CHST9: variants seen among roughly 807,000 people sequenced by gnomAD.
CHST9 encodes carbohydrate sulfotransferase 9.
Under a neutral mutation model 44.4 loss-of-function variants are expected in CHST9, and 41 were observed. That is an observed-to-expected ratio of 0.92 (90% CI 0.72 to 1.20). The LOEUF (loss-of-function observed/expected upper bound fraction) is 1.20. Ranked by LOEUF, CHST9 falls within the 50% of genes most tolerant of loss-of-function variation. CHST9 has a pLI of 0.00. For synonymous variants in CHST9, 171 were observed against 178.4 expected, an observed-to-expected ratio of 0.96 and a Z score of 0.33; for missense variants, 504 against 516.5, an observed-to-expected ratio of 0.98 and a Z score of 0.23.
intron 5 of CHST9, among the ~76,000 whole-genome samples, chr18:26,921,531 C>T (rs1489371839): frequency 1.3e-5 from 2 of 152,230 alleles, no homozygotes; most frequent in Non-Finnish European, 2.9e-5. Flanking sequence ...AGCTGTTATT[C>T]GGGTTTGATG....
intron 4 of CHST9, among the ~76,000 whole-genome samples, chr18:26,983,537 C>T (rs1396263426): frequency 6.6e-6 from 1 of 152,160 alleles, no homozygotes; most frequent in Non-Finnish European, 1.5e-5. Context: ...TCCCCAGAAG[C>T]CGAGCAGATG....
At chr18:26,932,308 T>C (rs978021809) in intron 5 of CHST9, among the ~76,000 whole-genome samples, 1 of 152,252 alleles carries the variant, frequency 6.6e-6, no homozygotes. Context: ...TCAGCTTTTA[T>C]GTCAGCCTTG....
At chr18:26,946,784 C>A (rs1204745080) in intron 4 of CHST9, among the ~76,000 whole-genome samples, 1 of 150,616 alleles carries the variant, frequency 6.6e-6, no homozygotes, top group Non-Finnish European at 1.5e-5. Flanking sequence ...AAATCCTTTC[C>A]CCATTGCTTG....
chr18:27,144,911 A>G (rs1416022777), intron 1 of CHST9, among the ~76,000 whole-genome samples: 4 of 151,974 alleles, frequency 2.6e-5, no homozygotes, highest in Admixed American at 2.0e-4. Context: ...TTGAGCCTGA[A>G]AGGTTGTGGC....
At chr18:27,028,948 C>T (rs552614529) in intron 3 of CHST9, among the ~76,000 whole-genome samples, 2 of 152,264 alleles carry the variant, frequency 1.3e-5, no homozygotes, top group South Asian at 4.1e-4. Context: ...AATGGAAGGA[C>T]AAGGAGGAAG....
chr18:27,009,626 C>A (rs2057059367), intron 4 of CHST9, among the ~76,000 whole-genome samples: 1 of 152,162 alleles, frequency 6.6e-6, no homozygotes, highest in Non-Finnish European at 1.5e-5. Flanking sequence ...GGCATGCAAT[C>A]TGTGAGGGCA....
intron 1 of CHST9, among the ~76,000 whole-genome samples, chr18:27,164,398 G>T (rs565424966): frequency 4.0e-4 from 60 of 150,132 alleles, no homozygotes; most frequent in African/African-American, 1.4e-3. Flanking sequence ...AAGTTAAGGT[G>T]ATTCTTAGAA....
intron 1 of CHST9, among the ~76,000 whole-genome samples, chr18:27,146,979 G>T (rs1413972002): frequency 6.6e-6 from 1 of 152,076 alleles, no homozygotes; most frequent in Non-Finnish European, 1.5e-5. Context: ...AGTATTTTGG[G>T]ACTTAAGTAT....
At chr18:26,918,394 G>T (rs2055577878) in intron 5 of CHST9, among the ~76,000 whole-genome samples, 1 of 152,104 alleles carries the variant, frequency 6.6e-6, no homozygotes, top group South Asian at 2.1e-4. Flanking sequence ...TCTGTGCTGT[G>T]GACATAATGC....
chr18:26,969,366 C>CTGTGTGTGTGTGTGTGTGTGTGTG (rs1247934551), intron 4 of CHST9, among the ~76,000 whole-genome samples: 1 of 99,406 alleles, frequency 1.0e-5, no homozygotes, highest in African/African-American at 6.7e-5. Flanking sequence ...TTGATTCTCT[C>CTGTGTGTGTGTGTGTGTGTGTGTG]TCTCTCTCTC....
chr18:26,990,309 G>A lies in CHST9; in HGVS notation c.202+33807C>T, dbSNP rs149872536. On this transcript the variant is annotated intron_variant, in intron 4 of 5. Coordinates refer to ENST00000618847, the MANE Select transcript of CHST9 (RefSeq NM_031422.6). ...TGTATATTAATTATACTTCAATAAA[G>A]CTATTTTAAAAAGCTAATGGCATAG... Among the ~76,000 whole-genome samples, 929 of 152,258 alleles carry A rather than the reference G, an allele frequency of 6.1e-3. 8 individuals carry two copies. Among genetic ancestry groups the A allele is most frequent in the African/African-American group, 0.02 (814 of 41,562 alleles).
intron 4 of CHST9, among the ~76,000 whole-genome samples, chr18:26,971,653 T>C (rs1223566869): frequency 6.6e-6 from 1 of 152,220 alleles, no homozygotes; most frequent in African/African-American, 2.4e-5. Context: ...GGAATGGACG[T>C]GGCAGATGTG....
intron 1 of CHST9, among the ~76,000 whole-genome samples, chr18:27,181,104 G>A (rs1027049717): frequency 1.3e-5 from 2 of 152,112 alleles, no homozygotes; most frequent in Admixed American, 6.6e-5. Flanking sequence ...CAGTTTGGCT[G>A]TGAATATTTG....
intron 1 of CHST9, among the ~76,000 whole-genome samples, chr18:27,181,936 A>C (rs911570827): frequency 6.6e-6 from 1 of 152,090 alleles, no homozygotes; most frequent in Non-Finnish European, 1.5e-5. Context: ...CCTCCCCACA[A>C]ATGGGTTTTC....
intron 2 of CHST9, among the ~76,000 whole-genome samples, chr18:27,101,492 GTGA>G (rs1337191600): frequency 6.7e-6 from 1 of 148,300 alleles, no homozygotes; most frequent in Non-Finnish European, 1.5e-5. Flanking sequence ...ACTGGCGGGG[GTGA>G]GGGTGGGCGG....
intron 2 of CHST9, among the ~76,000 whole-genome samples, chr18:27,053,256 A>AAGAAGAAGAAGAAGAAGG: frequency 5.8e-4 from 47 of 80,492 alleles, no homozygotes; most frequent in Admixed American, 7.9e-4. Flanking sequence ...GAAGAAGAAG[A>AAGAAGAAGAAGAAGAAGG]AGAAGGAGAA....
intron 2 of CHST9, among the ~76,000 whole-genome samples, chr18:27,138,029 A>C (rs2058531377): frequency 6.6e-6 from 1 of 151,968 alleles, no homozygotes; most frequent in African/African-American, 2.4e-5. Flanking sequence ...CCCTCCTTCT[A>C]GCACTTCTAT....
intron 2 of CHST9, among the ~76,000 whole-genome samples, chr18:27,069,679 A>G (rs1232174260): frequency 6.6e-6 from 1 of 152,250 alleles, no homozygotes; most frequent in Non-Finnish European, 1.5e-5. Context: ...CTATAACTCC[A>G]GTTTCCAAAT....
chr18:27,121,458 A>G (rs1338359042), intron 2 of CHST9, among the ~76,000 whole-genome samples: 1 of 152,114 alleles, frequency 6.6e-6, no homozygotes, highest in Non-Finnish European at 1.5e-5. Context: ...AAGGTCTATA[A>G]CTCAGGTTGG....
Sources: gnomAD v4.1 joint callset for allele counts (sites outside exome capture counted in the v4.1 genomes callset) on GRCh38, gnomAD v4.1.1 for gene constraint, MANE v1.5 for transcripts, NCBI Gene and HGNC (gene_info 2026-07-23, HGNC 2026-07-21) for gene names.